TRPV5: variants seen among roughly 807,000 people sequenced by gnomAD.
TRPV5 encodes the protein transient receptor potential cation channel subfamily V member 5.
Under a neutral mutation model 74.1 loss-of-function variants are expected in TRPV5, and 66 were observed. That is an observed-to-expected ratio of 0.89 (90% CI 0.73 to 1.09). The LOEUF (loss-of-function observed/expected upper bound fraction) is 1.09. Among genes scored for constraint, TRPV5 ranks in the 50% least tolerant of loss-of-function variants. The pLI is 0.00. For synonymous variants in TRPV5, 399 were observed against 360.7 expected, an observed-to-expected ratio of 1.11 and a Z score of -1.20; for missense variants, 936 against 930.4, an observed-to-expected ratio of 1.01 and a Z score of -0.08.
intron 1 of TRPV5, among the ~76,000 whole-genome samples, chr7:142,931,482 T>C (rs1368913089): frequency 2.0e-5 from 3 of 152,310 alleles, no homozygotes; most frequent in East Asian, 3.9e-4. Flanking sequence ...ACAGGACCTC[T>C]GTTAATCTTT....
intron 8 of TRPV5, among the ~76,000 whole-genome samples, chr7:142,919,804 G>A (rs4252464): frequency 0.016 from 2,485 of 152,282 alleles, 60 homozygotes; most frequent in African/African-American, 0.056. Context: ...CTACTGGGTC[G>A]TAAGGGCCAG....
At chr7:142,926,407 C>T in intron 7 of TRPV5, among the ~76,000 whole-genome samples, 1 of 152,004 alleles carries the variant, frequency 6.6e-6, no homozygotes, top group East Asian at 1.9e-4. Flanking sequence ...CGGGAGGAGG[C>T]ATCTGAGAAA....
At chr7:142,925,837 T>A in intron 7 of TRPV5, 96 bp from the exon 8 acceptor site, 1 of 1,005,104 alleles carries the variant, frequency 9.9e-7, no homozygotes, top group Non-Finnish European at 1.5e-6. Context: ...CAACCATCAC[T>A]CACTCAGCTC....
intron 7 of TRPV5, among the ~76,000 whole-genome samples, chr7:142,927,003 G>C (rs1419703043): frequency 6.6e-6 from 1 of 152,154 alleles, no homozygotes; most frequent in Non-Finnish European, 1.5e-5. Flanking sequence ...TCTGAAACCT[G>C]GAAGTCTTTT....
At chr7:142,924,382 A>ATG (rs1795947552) in intron 8 of TRPV5, among the ~76,000 whole-genome samples, 2 of 118,364 alleles carry the variant, frequency 1.7e-5, no homozygotes, top group African/African-American at 8.2e-5. Context: ...ATACATATAT[A>ATG]TATATATATA....
rs749928604 is a variant in TRPV5, at chr7:142,908,816, G to C, written c.1896-8C>G. The stretch of plus-strand genomic sequence containing the variant: ...TCATTGTGGTTCTCAACCCTGATAA[G>C]GGGAAAGGGGAAAGGACTCAATCCA... On this transcript the variant is annotated splice_region_variant and splice_polypyrimidine_tract_variant and intron_variant, in intron 14 of 14. Coordinates refer to ENST00000265310, the MANE Select transcript of TRPV5 (RefSeq NM_019841.7). The C allele has an allele frequency of 1.0e-5, 16 of 1,603,262 alleles. No homozygotes were observed. The highest frequency in any genetic ancestry group is 1.4e-5 in the Non-Finnish European group (16 of 1,174,458).
intron 7 of TRPV5, among the ~76,000 whole-genome samples, chr7:142,926,457 C>A (rs1795990772): frequency 6.6e-6 from 1 of 152,068 alleles, no homozygotes; most frequent in South Asian, 2.1e-4. Context: ...GAGTGATTAG[C>A]CATTAACAGC....
chr7:142,923,380 G>A (rs1009933471), intron 8 of TRPV5, among the ~76,000 whole-genome samples: 3 of 152,174 alleles, frequency 2.0e-5, no homozygotes, highest in African/African-American at 7.2e-5. Context: ...TTCAAATCAT[G>A]ATGATAAGTT....
chr7:142,912,430 A>C, intron 13 of TRPV5, 52 bp downstream of exon 13: 1 of 1,570,068 alleles, frequency 6.4e-7, no homozygotes, highest in South Asian at 1.2e-5. Context: ...TTCCACTTTG[A>C]TTTTTCTCTC....
intron 10 of TRPV5, 47 bp from the exon 11 acceptor site, chr7:142,915,093 T>G (rs779074081): frequency 6.9e-6 from 11 of 1,601,188 alleles, no homozygotes; most frequent in Non-Finnish European, 9.4e-6. Context: ...GGAACTATTT[T>G]AGGTCCCTAC....
chr7:142,929,558 A>C lies in TRPV5; in HGVS notation c.357T>G (p.Thr119=). Residue 119 remains threonine, a synonymous_variant, in exon 4 of 15, where the codon ACT becomes ACG. Coordinates refer to ENST00000265310, the MANE Select transcript of TRPV5 (RefSeq NM_019841.7). The part of the protein sequence containing the change: ...PTTCEAFAGQ[T]ALHIAVVNQN... ...GGTTCACAACAGCGATGTGCAGTGC[A>C]GTCTGACCTGGCCCAGAGACAGCCA... 1 of 1,613,426 alleles carries C rather than the reference A, an allele frequency of 6.2e-7. No individual in the cohort carries two copies. The highest frequency in any genetic ancestry group is 8.5e-7 in the Non-Finnish European group (1 of 1,179,422).
At chr7:142,918,038 C>A (rs1795827671) in intron 8 of TRPV5, among the ~76,000 whole-genome samples, 1 of 152,180 alleles carries the variant, frequency 6.6e-6, no homozygotes, top group African/African-American at 2.4e-5. Context: ...AGAATAGATA[C>A]TCTTTGCAAA....
chr7:142,917,637 T>C (rs1330708655), intron 8 of TRPV5, among the ~76,000 whole-genome samples: 1 of 152,240 alleles, frequency 6.6e-6, no homozygotes, highest in African/African-American at 2.4e-5. Context: ...AAGTACGCAT[T>C]ACTCTGCACA....
At chr7:142,909,761 C>G (rs896364246) in intron 13 of TRPV5, among the ~76,000 whole-genome samples, 165 bp from the exon 14 acceptor site, 4 of 152,216 alleles carry the variant, frequency 2.6e-5, no homozygotes, top group Admixed American at 2.6e-4. Flanking sequence ...TGCCAGGCAC[C>G]ATGCAACCAG....
At chr7:142,928,566 T>G in intron 6 of TRPV5, 125 bp downstream of exon 6, 3 of 1,350,832 alleles carry the variant, frequency 2.2e-6, no homozygotes, top group African/African-American at 1.5e-5. Context: ...CACCATCCCT[T>G]TGGGGAGTTT....
At position 142,908,559 on chromosome 7, in the gene TRPV5, T is replaced by C. The variant is rs138795668; in HGVS notation, c.2145A>G (p.Gly715=). The C allele has an allele frequency of 9.7e-5, 157 of 1,614,086 alleles. 1 individual carries two copies. The African/African-American group carries it at 1.5e-3, about 16-fold the overall frequency. Residue 715 remains glycine (G), a synonymous_variant, in exon 15 of 15, where the codon GGA becomes GGG. Coordinates refer to ENST00000265310, the MANE Select transcript of TRPV5 (RefSeq NM_019841.7). The stretch of plus-strand genomic sequence containing the variant: ...CTCCATCCCCCTCACTAAGGTTCAG[T>C]CCAAGATTCAAGTGCCCCAGGGTGT... ...RQNTLGHLNL[G]LNLSEGDGEE... is the part of the protein sequence containing the mutation.
At chr7:142,924,296 A>G (rs1442248890) in intron 8 of TRPV5, among the ~76,000 whole-genome samples, 2 of 77,494 alleles carry the variant, frequency 2.6e-5, no homozygotes, top group African/African-American at 8.8e-5. Flanking sequence ...ACATGTATAT[A>G]TATACATATA....
At chr7:142,924,096 C>A (rs1327708675) in intron 8 of TRPV5, among the ~76,000 whole-genome samples, 1 of 151,610 alleles carries the variant, frequency 6.6e-6, no homozygotes, top group Non-Finnish European at 1.5e-5. Context: ...ACAACTTTTG[C>A]GGCCAGACTG....
At chr7:142,913,734 C>T (rs934764918) in intron 12 of TRPV5, among the ~76,000 whole-genome samples, 5 of 152,160 alleles carry the variant, frequency 3.3e-5, no homozygotes, top group Non-Finnish European at 4.4e-5. Context: ...CCCCATTGAA[C>T]GGGAAATCCC....
Sources: gnomAD v4.1 joint callset for allele counts (sites outside exome capture counted in the v4.1 genomes callset) on GRCh38, gnomAD v4.1.1 for gene constraint, MANE v1.5 for transcripts, NCBI Gene and HGNC (gene_info 2026-07-23, HGNC 2026-07-21) for gene names.